FPGT: variants seen among roughly 807,000 people sequenced by gnomAD.
FPGT encodes the protein fucose-1-phosphate guanylyltransferase, also known as GDP-L-fucose diphosphorylase.
In FPGT, 41 loss-of-function variants were observed where a neutral mutation model predicts 45.8. The observed-to-expected ratio is 0.90, with a 90% CI of 0.70 to 1.16. The LOEUF is 1.16. FPGT is among the 50% of genes most tolerant of loss of function. FPGT has a pLI of 0.00. For synonymous variants in FPGT, 292 were observed against 247.2 expected, an observed-to-expected ratio of 1.18 and a Z score of -1.70; for missense variants, 755 against 689.1, an observed-to-expected ratio of 1.10 and a Z score of -1.07.
Position 74,204,510 on chromosome 1 carries a change from C to G in FPGT, c.463C>G (p.Pro155Ala). The G allele has an allele frequency of 6.2e-7, 1 of 1,609,562 alleles. No individual in the cohort carries two copies. The part of the protein sequence containing the change: ...ELKLAMYIDF[P>A]LNMNPGILVT... ...AAAACTAGCCATGTACATTGATTTC[C>G]CCTTAAATATGAATCCTGGAATTCT... Residue 155 changes from proline to alanine, a missense_variant, in exon 4 of 4, where the codon CCC becomes GCC. Coordinates refer to ENST00000370898, the MANE Select transcript of FPGT (RefSeq NM_003838.5).
At chr1:74,201,918 T>G (rs1362639705) in intron 3 of FPGT, among the ~76,000 whole-genome samples, 1 of 152,196 alleles carries the variant, frequency 6.6e-6, no homozygotes, top group African/African-American at 2.4e-5. Context: ...ATGGGGATTC[T>G]TGCTTTGAGG....
Position 74,205,114 on chromosome 1 carries a change from T to G in FPGT, c.1067T>G (p.Phe356Cys), listed in dbSNP as rs984116808. The G allele has an allele frequency of 1.9e-6, 3 of 1,613,804 alleles. No individual in the cohort carries two copies. The highest frequency in any genetic ancestry group is 2.5e-6 in the Non-Finnish European group (3 of 1,179,736). Reference protein sequence around the residue: ...LNVVVLNNSKFYHIGTTEEYL... With the variant: ...LNVVVLNNSKCYHIGTTEEYL... ...GTTGTTGTTCTTAATAACTCCAAAT[T>G]TTATCACATTGGAACAACCGAAGAA... Residue 356 changes from phenylalanine (F) to cysteine (C), a missense_variant, in exon 4 of 4, where the codon TTT becomes TGT. Coordinates refer to ENST00000370898, the MANE Select transcript of FPGT (RefSeq NM_003838.5).
At chr1:74,200,207 C>T (rs1013939873) in intron 2 of FPGT, among the ~76,000 whole-genome samples, 12 of 152,182 alleles carry the variant, frequency 7.9e-5, no homozygotes, top group Non-Finnish European at 1.5e-4. Context: ...ATACTCTTGA[C>T]CTCTTAGGGA....
In FPGT at chr1:74,204,812, G is replaced by A. The variant is rs1652125659; in HGVS notation, c.765G>A (p.Gly255=). 6.8e-6 allele frequency: 11 copies of A among 1,613,616 alleles called. No homozygotes were observed. Among genetic ancestry groups the A allele is most frequent in the Non-Finnish European group, 8.5e-6 (10 of 1,179,914 alleles). Residue 255 remains glycine, a synonymous_variant, in exon 4 of 4, where the codon GGG becomes GGA. Coordinates refer to ENST00000370898, the MANE Select transcript of FPGT (RefSeq NM_003838.5). ...ATTTTTGTCAACAGGACTTTGCTGGGGGTGACATTGCCGATCTTAAATTAG... is the reference window on the plus strand; with the variant it reads ...ATTTTTGTCAACAGGACTTTGCTGGAGGTGACATTGCCGATCTTAAATTAG... ...PGNFCQQDFA[G]GDIADLKLDS...
chr1:74,205,753 T>C lies in FPGT; in HGVS notation c.1706T>C (p.Ile569Thr), dbSNP rs1235567709. Residue 569 changes from isoleucine (I) to threonine (T), a missense_variant, in exon 4 of 4, where the codon ATC (isoleucine) becomes ACC (threonine). Ile to Thr is a moderately conservative substitution (Grantham distance 89). Coordinates refer to ENST00000370898, the MANE Select transcript of FPGT (RefSeq NM_003838.5). ...TTGCTGTCCATTGAAGAAATGCTTATCTACAAAGATGTAGAAGATATGATA... is the reference window on the plus strand; with the variant it reads ...TTGCTGTCCATTGAAGAAATGCTTACCTACAAAGATGTAGAAGATATGATA... ...YKLLSIEEMLIYKDVEDMITY... is the reference protein window; with the variant it reads ...YKLLSIEEMLTYKDVEDMITY... The C allele has an allele frequency of 1.9e-6, 3 of 1,599,050 alleles. No individual in the cohort carries two copies. Among genetic ancestry groups the C allele is most frequent in the East Asian group, 2.2e-5 (1 of 44,790 alleles).
rs202228945 is a variant in FPGT, at chr1:74,200,497, C to CTTTTTTTTTTTTTTTTTTTTTTTTTT, written c.250+691_250+692insTTTTTTTTTTTTTTTTTTTTTTTTTT. ...TATGAGGTCAGTACTGTTATTATTT[C>CTTTTTTTTTTTTTTTTTTTTTTTTTT]TTTTTTTTTTTTTTTTTTTTTTTTT... is the stretch of plus-strand genomic sequence containing the variant. On this transcript the variant is annotated intron_variant, in intron 2 of 3. Coordinates refer to ENST00000370898, the MANE Select transcript of FPGT (RefSeq NM_003838.5). Among the ~76,000 whole-genome samples the CTTTTTTTTTTTTTTTTTTTTTTTTTT allele has an allele frequency of 2.8e-5, 3 of 106,566 alleles. 1 individual carries two copies. The highest frequency in any genetic ancestry group is 8.5e-5 in the African/African-American group (2 of 23,428). 69.9% of individuals were successfully genotyped at this position (106,566 alleles called of 152,430 possible). A position where few individuals can be genotyped will look rare whatever the true frequency, so the allele number is the denominator to read the frequency against.
Position 74,205,196 on chromosome 1 carries a change from C to T in FPGT, c.1149C>T (p.Ser383=). The T allele has an allele frequency of 6.2e-7, 1 of 1,613,854 alleles. No individual in the cohort carries two copies. The highest frequency in any genetic ancestry group is 8.5e-7 in the Non-Finnish European group (1 of 1,179,822). ...NSLKSELGLQ[S]ITFSIFPDIP... The stretch of plus-strand genomic sequence containing the variant: ...TAAAGTCAGAGCTCGGCTTACAGTC[C>T]ATAACTTTTAGTATCTTTCCAGATA... Residue 383 remains serine (S), a synonymous_variant, in exon 4 of 4, where the codon TCC becomes TCT. Coordinates refer to ENST00000370898, the MANE Select transcript of FPGT (RefSeq NM_003838.5).
chr1:74,200,188 T>C (rs1031429055), intron 2 of FPGT, among the ~76,000 whole-genome samples: 1 of 152,130 alleles, frequency 6.6e-6, no homozygotes, highest in African/African-American at 2.4e-5. Flanking sequence ...AAGCAATTAG[T>C]GGGAAAAAAT....
Position 74,198,372 on chromosome 1 carries a change from G to A in FPGT, c.82+12G>A, listed in dbSNP as rs1014279846. The A allele has an allele frequency of 1.2e-6, 2 of 1,613,976 alleles. No individual in the cohort carries two copies. Among genetic ancestry groups the A allele is most frequent in the African/African-American group, 2.7e-5 (2 of 74,914 alleles). On this transcript the variant is annotated intron_variant, in intron 1 of 3. Transcript: ENST00000370898. ...TTCCGAGCTAAGAGGTACCAGAGAA[G>A]GCACCGGAGTTCTCCTGGGCAATGC... is the stretch of plus-strand genomic sequence containing the variant.
rs1652214110 is a variant in FPGT at position 74,205,553 on chromosome 1, T to A, written c.1506T>A (p.Asp502Glu). The A allele has an allele frequency of 6.2e-7, 1 of 1,613,476 alleles. No homozygotes were observed. Among genetic ancestry groups the A allele is most frequent in the African/African-American group, 1.3e-5 (1 of 74,910 alleles). ...FFGVCFLSCL[D>E]VWNLKVTEEL... ...GAGTCTGTTTCCTGTCATGCTTAGA[T>A]GTTTGGAATCTTAAAGTTACAGAGG... Residue 502 changes from aspartate to glutamate, a missense_variant, in exon 4 of 4, where the codon GAT becomes GAA. By Grantham distance (45) the Asp-to-Glu change is conservative. Coordinates refer to ENST00000370898, the MANE Select transcript of FPGT (RefSeq NM_003838.5).
At position 74,204,754 on chromosome 1, in the gene FPGT, T is replaced by C. The variant is rs1302012853; in HGVS notation, c.707T>C (p.Met236Thr). 1 of 1,613,884 alleles carries C rather than the reference T, an allele frequency of 6.2e-7. No homozygotes were observed. Among genetic ancestry groups the C allele is most frequent in the African/African-American group, 1.3e-5 (1 of 74,912 alleles). ...RFLHKPSIEK[M>T]YQFNAVCRPG... ...CTTCATAAGCCCAGCATAGAAAAGA[T>C]GTATCAGTTTAATGCTGTGTGTAGA... The change falls in exon 4 of 4, where the codon ATG becomes ACG. Residue 236 changes from methionine (M) to threonine (T), a missense_variant. Physicochemically the swap from Met to Thr is moderately conservative, Grantham distance 81. Coordinates refer to ENST00000370898, the MANE Select transcript of FPGT (RefSeq NM_003838.5).
chr1:74,205,244 A>G lies in FPGT; in HGVS notation c.1197A>G (p.Thr399=). The stretch of plus-strand genomic sequence containing the variant: ...ATATACCAGAATGCTCTGGCAAAAC[A>G]TCCTGTATCATTCAAAGCATACTGG... ...FPDIPECSGK[T]SCIIQSILDS... Residue 399 remains threonine (T), a synonymous_variant, in exon 4 of 4, where the codon ACA becomes ACG. Transcript: ENST00000370898. 1 of 1,614,030 alleles carries G rather than the reference A, an allele frequency of 6.2e-7. No homozygotes were observed. The highest frequency in any genetic ancestry group is 8.5e-7 in the Non-Finnish European group (1 of 1,179,884).
intron 3 of FPGT, 115 bp from the exon 4 acceptor site, chr1:74,204,276 A>G (rs1014391459): frequency 3.3e-6 from 2 of 603,180 alleles, no homozygotes; most frequent in Non-Finnish European, 5.5e-6. Context: ...GGCATATATT[A>G]AATATCGTTA....
chr1:74,202,222 G>C (rs1031992423), intron 3 of FPGT, among the ~76,000 whole-genome samples: 4 of 152,164 alleles, frequency 2.6e-5, no homozygotes, highest in Admixed American at 6.5e-5. Flanking sequence ...GTTTTTCTAT[G>C]TATGTTAAGG....
In FPGT at chr1:74,204,589, T is replaced by G. The variant is rs1224590480; in HGVS notation, c.542T>G (p.Ile181Ser). Residue 181 changes from isoleucine (I) to serine (S), a missense_variant, in exon 4 of 4, where the codon ATT becomes AGT. Ile to Ser is a moderately radical substitution (Grantham distance 142). Transcript: ENST00000370898. ...ELYSIGEFEF[I>S]RFDKPGFTAL... Reference sequence around the variant, plus strand: ...TATAGTATTGGAGAATTTGAGTTTATTAGGTTTGACAAACCTGGCTTTACT... The same window carrying G: ...TATAGTATTGGAGAATTTGAGTTTAGTAGGTTTGACAAACCTGGCTTTACT... 6.2e-7 allele frequency: 1 copy of G among 1,612,922 alleles called. No homozygotes were observed. The highest frequency in any genetic ancestry group is 8.5e-7 in the Non-Finnish European group (1 of 1,178,972).
rs1400211444 is a variant in FPGT at position 74,208,425 on chromosome 1, A to G, written c.*2593A>G. Among the ~76,000 whole-genome samples the G allele has an allele frequency of 1.3e-5, 2 of 152,050 alleles. No homozygotes were observed. Among genetic ancestry groups the G allele is most frequent in the East Asian group, 1.9e-4 (1 of 5,196 alleles). ...TATCAGCAGTAGAAAAATAAGACCT[A>G]CATGGATAAGTTTGAAATTAAACAT... On this transcript the variant is annotated 3_prime_UTR_variant, in exon 4 of 4. Transcript: ENST00000370898.
rs1176607507 is a variant in FPGT at position 74,206,994 on chromosome 1, A to C, written c.*1162A>C. 2 of 152,038 alleles carry C rather than the reference A, an allele frequency of 1.3e-5. No homozygotes were observed. The highest frequency in any genetic ancestry group is 3.9e-4 in the East Asian group (2 of 5,190). 9.4% of individuals were successfully genotyped at this position (152,038 alleles called of 1,614,324 possible). On this transcript the variant is annotated 3_prime_UTR_variant, in exon 4 of 4. Coordinates refer to ENST00000370898, the MANE Select transcript of FPGT (RefSeq NM_003838.5). ...TCCACAACCCTCAGTTATGATACTT[A>C]TGTGCGTGTTTTTTTTTCCAAAGTT...
chr1:74,203,652 A>G (rs1048687603), intron 3 of FPGT, among the ~76,000 whole-genome samples: 22 of 151,968 alleles, frequency 1.4e-4, no homozygotes, highest in African/African-American at 5.1e-4. Flanking sequence ...CGGCCTCCCA[A>G]AGTGTTGGTA....
At chr1:74,203,495 C>T (rs969290733) in intron 3 of FPGT, among the ~76,000 whole-genome samples, 1 of 151,822 alleles carries the variant, frequency 6.6e-6, no homozygotes, top group African/African-American at 2.4e-5. Context: ...GGGTTCACGC[C>T]ATTTTCCTGC....
Sources: gnomAD v4.1 joint callset for allele counts (sites outside exome capture counted in the v4.1 genomes callset) on GRCh38, gnomAD v4.1.1 for gene constraint, MANE v1.5 for transcripts, NCBI Gene and HGNC (gene_info 2026-07-23, HGNC 2026-07-21) for gene names.